RALGAPA1: variants seen among roughly 807,000 people sequenced by gnomAD.
The protein encoded by RALGAPA1 is Ral GTPase activating protein catalytic subunit alpha 1, also known as ral GTPase-activating protein subunit alpha-1.
In RALGAPA1, 52 loss-of-function variants were observed where a neutral mutation model predicts 269.6. The observed-to-expected ratio is 0.19, with a 90% CI of 0.15 to 0.24. RALGAPA1 has a LOEUF of 0.24. Ranked by LOEUF, RALGAPA1 falls within the 10% of genes least tolerant of loss-of-function variation. The pLI, the probability that RALGAPA1 is intolerant of heterozygous loss-of-function variation, is 1.00. For synonymous variants in RALGAPA1, 817 were observed against 1,008.3 expected (o/e 0.81, Z 3.60); for missense variants, 1,917 against 3,013.9 (o/e 0.64, Z 8.52).
intron 31 of RALGAPA1, among the ~76,000 whole-genome samples, chr14:35,643,570 A>C (rs2062177733): frequency 6.6e-6 from 1 of 152,228 alleles, no homozygotes. Flanking sequence ...CATATCTAAG[A>C]GATACCTACA....
At chr14:35,707,667 G>C (rs1487174808) in intron 16 of RALGAPA1, 2 of 152,136 alleles carry the variant, frequency 1.3e-5, no homozygotes, top group African/African-American at 4.8e-5. Flanking sequence ...TATTTTTTGA[G>C]AAAAGTTATG....
intron 17 of RALGAPA1, among the ~76,000 whole-genome samples, chr14:35,693,774 C>A (rs1309880187): frequency 1.3e-5 from 2 of 152,018 alleles, no homozygotes; most frequent in South Asian, 4.2e-4. Flanking sequence ...TATAAAGTTA[C>A]AGAAATGTCA....
At chr14:35,546,239 C>T (rs193059425) in intron 41 of RALGAPA1, among the ~76,000 whole-genome samples, 22 of 151,968 alleles carry the variant, frequency 1.4e-4, no homozygotes, top group Admixed American at 6.6e-4. Flanking sequence ...GAAAGTAATA[C>T]GGAAAAATGT....
At chr14:35,635,822 C>T (rs2061633067) in intron 31 of RALGAPA1, among the ~76,000 whole-genome samples, 1 of 151,972 alleles carries the variant, frequency 6.6e-6, no homozygotes, top group Non-Finnish European at 1.5e-5. Flanking sequence ...AAACAGTAAG[C>T]ATAATAAAAA....
chr14:35,702,912 G>C (rs555942895), intron 16 of RALGAPA1, among the ~76,000 whole-genome samples: 1 of 151,554 alleles, frequency 6.6e-6, no homozygotes, highest in South Asian at 2.1e-4. Context: ...GCTAATTTTT[G>C]TATTTTTAGT....
At chr14:35,767,931 C>T (rs1214644947) in intron 4 of RALGAPA1, among the ~76,000 whole-genome samples, 5 of 152,150 alleles carry the variant, frequency 3.3e-5, no homozygotes, top group South Asian at 2.1e-4. Flanking sequence ...GGAGTCATCA[C>T]GTCTGGATAA....
intron 4 of RALGAPA1, among the ~76,000 whole-genome samples, chr14:35,762,955 T>C (rs2073852072): frequency 1.3e-5 from 2 of 152,190 alleles, no homozygotes; most frequent in Admixed American, 6.5e-5. Flanking sequence ...TTTATTGCAA[T>C]TAAACATGAT....
intron 12 of RALGAPA1, among the ~76,000 whole-genome samples, chr14:35,729,597 T>C (rs1001591621): frequency 6.6e-5 from 10 of 152,016 alleles, no homozygotes; most frequent in East Asian, 1.9e-4. Context: ...TCTAGGAGAA[T>C]AGTATTTCAG....
At chr14:35,617,252 C>T (rs1473232732) in intron 35 of RALGAPA1, among the ~76,000 whole-genome samples, 2 of 152,008 alleles carry the variant, frequency 1.3e-5, no homozygotes, top group African/African-American at 2.4e-5. Context: ...GAGGCTGAGG[C>T]GGGTGGATCA....
chr14:35,643,787 A>G (rs1182728094), intron 31 of RALGAPA1, among the ~76,000 whole-genome samples: 1 of 152,240 alleles, frequency 6.6e-6, no homozygotes, highest in Non-Finnish European at 1.5e-5. Flanking sequence ...CAGGCACAGA[A>G]AGACAAACAT....
At chr14:35,564,175 C>T (rs1047939505) in intron 39 of RALGAPA1, among the ~76,000 whole-genome samples, 1 of 152,164 alleles carries the variant, frequency 6.6e-6, no homozygotes, top group African/African-American at 2.4e-5. Context: ...GATAATTTTA[C>T]TTAATCCTTA....
At chr14:35,660,757 T>C (rs1348878876) in intron 27 of RALGAPA1, among the ~76,000 whole-genome samples, 2 of 151,994 alleles carry the variant, frequency 1.3e-5, no homozygotes, top group African/African-American at 4.8e-5. Context: ...CGTACATGAA[T>C]ACACATAAAA....
rs370930885 is a variant in RALGAPA1 at position 35,719,533 on chromosome 14, T to C, written c.2266+2155A>G. 7.9e-5 allele frequency among the ~76,000 whole-genome samples: 12 copies of C among 152,304 alleles called. No homozygotes were observed. The East Asian group carries it at 2.3e-3, about 29-fold the overall frequency. The stretch of plus-strand genomic sequence containing the variant: ...AGCTATGAAGTCAGCATGAATATTT[T>C]ACTCATTACATGCTATGTAAAAGAC... On this transcript the variant is annotated intron_variant, in intron 16 of 41. Transcript: ENST00000680220.
chr14:35,569,147 T>C (rs1216311623), intron 39 of RALGAPA1, among the ~76,000 whole-genome samples: 1 of 152,210 alleles, frequency 6.6e-6, no homozygotes, highest in East Asian at 1.9e-4. Flanking sequence ...AGTAATCAGA[T>C]AGCTTAAGTC....
chr14:35,805,691 T>G (rs1349184690), intron 1 of RALGAPA1, among the ~76,000 whole-genome samples: 1 of 150,160 alleles, frequency 6.7e-6, no homozygotes, highest in Non-Finnish European at 1.5e-5. Flanking sequence ...TTCTTTTTTT[T>G]TTTTTTTTCC....
chr14:35,590,073 C>T (rs2058546470), intron 37 of RALGAPA1, among the ~76,000 whole-genome samples: 1 of 152,136 alleles, frequency 6.6e-6, no homozygotes. Flanking sequence ...AGATAAATTC[C>T]TGGAACAAAT....
chr14:35,714,206 G>A (rs1006555557), intron 16 of RALGAPA1, among the ~76,000 whole-genome samples: 1 of 152,024 alleles, frequency 6.6e-6, no homozygotes, highest in Non-Finnish European at 1.5e-5. Flanking sequence ...AACTGATTTC[G>A]AGAGTGTTTT....
intron 33 of RALGAPA1, among the ~76,000 whole-genome samples, chr14:35,630,445 G>A (rs963962699): frequency 2.0e-5 from 3 of 152,110 alleles, no homozygotes; most frequent in South Asian, 2.1e-4. Context: ...GTGCCACCAC[G>A]CCTGGCTAAT....
At chr14:35,749,171 G>C (rs911524105) in intron 9 of RALGAPA1, among the ~76,000 whole-genome samples, 1 of 152,064 alleles carries the variant, frequency 6.6e-6, no homozygotes, top group African/African-American at 2.4e-5. Flanking sequence ...AGACCTTCAA[G>C]AATAAGTAAA....
Sources: allele counts gnomAD v4.1 joint callset (sites outside exome capture counted in the v4.1 genomes callset), GRCh38; gene constraint gnomAD v4.1.1; transcripts MANE v1.5; gene names NCBI Gene and HGNC (gene_info 2026-07-23, HGNC 2026-07-21).